Variants in PDZD2 observed in about 807,000 individuals in gnomAD.
PDZD2 encodes the protein PDZ domain-containing protein 2.
Under a neutral mutation model 220.7 loss-of-function variants are expected in PDZD2, and 90 were observed. The observed-to-expected ratio is 0.41, with a 90% CI of 0.34 to 0.49. The LOEUF (loss-of-function observed/expected upper bound fraction) is 0.49. PDZD2 is among the 20% of genes least tolerant of loss of function. The pLI is 0.28. For synonymous variants in PDZD2, 1,375 were observed against 1,450.5 expected, an observed-to-expected ratio of 0.95 and a Z score of 1.18; for missense variants, 3,174 against 3,608.5, an observed-to-expected ratio of 0.88 and a Z score of 3.08.
intron 2 of PDZD2, among the ~76,000 whole-genome samples, chr5:31,861,114 T>G (rs1169669548): frequency 6.6e-6 from 1 of 152,162 alleles, no homozygotes; most frequent in Non-Finnish European, 1.5e-5. Flanking sequence ...TAGATGGCCC[T>G]TTTGCTTTCT....
intron 1 of PDZD2, among the ~76,000 whole-genome samples, chr5:31,758,625 T>A (rs1751440652): frequency 6.6e-6 from 1 of 152,174 alleles, no homozygotes; most frequent in Admixed American, 6.5e-5. Context: ...TGCATTACCT[T>A]CAAGCAGGAA....
intron 2 of PDZD2, among the ~76,000 whole-genome samples, chr5:31,946,869 TA>T (rs1746680305): frequency 1.3e-5 from 2 of 152,194 alleles, no homozygotes; most frequent in Admixed American, 1.3e-4. Context: ...GGCTAGTTTT[TA>T]AAAATATTTT....
intron 1 of PDZD2, among the ~76,000 whole-genome samples, chr5:31,746,064 T>TCTAAATAAA (rs1393782872): frequency 6.6e-6 from 1 of 151,858 alleles, no homozygotes; most frequent in African/African-American, 2.4e-5. Flanking sequence ...ACTGTGGAGC[T>TCTAAATAAA]CTAGCTGGTT....
intron 1 of PDZD2, among the ~76,000 whole-genome samples, chr5:31,727,701 CAA>C (rs56763561): frequency 1.1e-4 from 10 of 90,462 alleles, no homozygotes; most frequent in African/African-American, 1.4e-4. Flanking sequence ...AGCTCAATCT[CAA>C]AAAAAAAAAA....
intron 2 of PDZD2, among the ~76,000 whole-genome samples, chr5:31,928,481 A>ATT (rs34211965): frequency 6.7e-5 from 10 of 148,586 alleles, no homozygotes; most frequent in East Asian, 2.0e-4. Flanking sequence ...ATTACAAAGA[A>ATT]TTTTTTTTTT....
intron 2 of PDZD2, among the ~76,000 whole-genome samples, chr5:31,968,712 C>G (rs1748993074): frequency 6.6e-6 from 1 of 152,148 alleles, no homozygotes; most frequent in South Asian, 2.1e-4. Flanking sequence ...TCCTTTACTT[C>G]ATCCACCATA....
rs537352240 is a variant in PDZD2, at chr5:31,837,397, G to A, written c.476+37673G>A. Among the ~76,000 whole-genome samples the A allele has an allele frequency of 5.3e-4, 81 of 152,264 alleles. 1 individual carries two copies. Among genetic ancestry groups the A allele is most frequent in the Non-Finnish European group, 1.1e-3 (73 of 68,014 alleles). The stretch of plus-strand genomic sequence containing the variant: ...GGGAACAGCAAACTCCCACCTGCCA[G>A]CTGAGAATGGTTTTATATTTTTAAA... On this transcript the variant is annotated intron_variant, in intron 2 of 24. Coordinates refer to ENST00000438447, the MANE Select transcript of PDZD2 (RefSeq NM_178140.4).
At chr5:32,084,948 C>CTTTTTTTTTTTTTTTT (rs745430355) in intron 19 of PDZD2, among the ~76,000 whole-genome samples, 2 of 94,492 alleles carry the variant, frequency 2.1e-5, no homozygotes, top group Non-Finnish European at 4.0e-5. Context: ...ATTCTGTTGC[C>CTTTTTTTTTTTTTTTT]TTTTTTTTTT....
At chr5:31,678,180 G>T (rs1383166512) in intron 1 of PDZD2, among the ~76,000 whole-genome samples, 3 of 152,154 alleles carry the variant, frequency 2.0e-5, no homozygotes, top group African/African-American at 4.8e-5. Context: ...TTGGATTCCT[G>T]GGGAAGCCAG....
At chr5:31,962,318 T>TG (rs754327395) in intron 2 of PDZD2, among the ~76,000 whole-genome samples, 26 of 152,328 alleles carry the variant, frequency 1.7e-4, no homozygotes, top group Middle Eastern at 3.4e-3. Context: ...CCAAAGTACC[T>TG]GGAGGCCGTC....
intron 5 of PDZD2, among the ~76,000 whole-genome samples, chr5:32,008,900 G>T (rs1341371974): frequency 1.3e-5 from 2 of 152,188 alleles, no homozygotes; most frequent in African/African-American, 4.8e-5. Context: ...TGAAAGGAAG[G>T]GTGGTCCCAG....
intron 2 of PDZD2, among the ~76,000 whole-genome samples, chr5:31,932,012 A>C (rs10066324): frequency 0.012 from 1,877 of 152,276 alleles, 37 homozygotes; most frequent in African/African-American, 0.043. Context: ...CACAATTGGC[A>C]GGGTGTTCCC....
rs947247396 is a variant in PDZD2, at chr5:32,089,363, C to A, written c.5915C>A (p.Pro1972His). 1 of 1,614,090 alleles carries A rather than the reference C, an allele frequency of 6.2e-7. No homozygotes were observed. Among genetic ancestry groups the A allele is most frequent in the South Asian group, 1.1e-5 (1 of 91,080 alleles). Residue 1972 changes from proline to histidine, a missense_variant, in exon 20 of 25, where the codon CCC becomes CAC. Transcript: ENST00000438447. ...CTTGCCACCTCTGGGCCACTGAAAC[C>A]CTCAGTGTCTGACACGAGCATCAGG... is the stretch of plus-strand genomic sequence containing the variant. Reference protein sequence around the residue: ...PPLATSGPLKPSVSDTSIRTF... With the variant: ...PPLATSGPLKHSVSDTSIRTF...
chr5:31,820,482 A>G (rs1755770372), intron 2 of PDZD2: 1 of 152,234 alleles, frequency 6.6e-6, no homozygotes, highest in Non-Finnish European at 1.5e-5. Context: ...TAATTTAGGT[A>G]AGCATGTTCT....
At chr5:32,039,320 T>C (rs1755831306) in intron 7 of PDZD2, among the ~76,000 whole-genome samples, 3 of 151,900 alleles carry the variant, frequency 2.0e-5, no homozygotes. Flanking sequence ...TTGACCGGGC[T>C]GGTCTCCAGC....
intron 2 of PDZD2, among the ~76,000 whole-genome samples, chr5:31,905,765 G>A (rs1439510550): frequency 1.3e-5 from 2 of 152,146 alleles, no homozygotes; most frequent in African/African-American, 4.8e-5. Flanking sequence ...TGAAAGGCTT[G>A]AAACAACCCA....
intron 19 of PDZD2, among the ~76,000 whole-genome samples, chr5:32,081,168 G>A (rs941117742): frequency 2.4e-4 from 37 of 151,924 alleles, no homozygotes; most frequent in African/African-American, 8.0e-4. Flanking sequence ...AGAGAATTTC[G>A]TCTCCCAGCC....
chr5:31,833,466 TCAAAAAAAAAA>T, intron 2 of PDZD2, among the ~76,000 whole-genome samples: 1 of 18,856 alleles, frequency 5.3e-5, no homozygotes, highest in Admixed American at 3.3e-4. Flanking sequence ...AGACCCTGTC[TCAAAAAAAAAA>T]GAAAAAAAAA....
chr5:31,948,841 G>A (rs1183581990), intron 2 of PDZD2, among the ~76,000 whole-genome samples: 1 of 152,100 alleles, frequency 6.6e-6, no homozygotes, highest in East Asian at 1.9e-4. Context: ...GCTCATGCCT[G>A]TAATCCCAGC....
Sources: allele counts gnomAD v4.1 joint callset (sites outside exome capture counted in the v4.1 genomes callset), GRCh38; gene constraint gnomAD v4.1.1; transcripts MANE v1.5; gene names NCBI Gene and HGNC (gene_info 2026-07-23, HGNC 2026-07-21).